The following RICTOR variants were observed in gnomAD, a reference collection of about 807,000 sequenced individuals.
RICTOR encodes the protein rapamycin-insensitive companion of mTOR.
RICTOR carries 49 observed loss-of-function variants against 214.9 expected under a neutral mutation model. The ratio of observed to expected loss-of-function variants is 0.23; its 90% confidence interval spans 0.18 to 0.29. The LOEUF is 0.29. Ranked by LOEUF, RICTOR falls within the 10% of genes least tolerant of loss-of-function variation. The pLI is 1.00. For synonymous variants in RICTOR, 717 were observed against 711.3 expected, an observed-to-expected ratio of 1.01 and a Z score of -0.13; for missense variants, 1,625 against 2,047.0, an observed-to-expected ratio of 0.79 and a Z score of 3.98.
At chr5:39,015,712 C>G (rs945812133) in intron 3 of RICTOR, among the ~76,000 whole-genome samples, 3 of 151,990 alleles carry the variant, frequency 2.0e-5, no homozygotes, top group African/African-American at 7.2e-5. Flanking sequence ...AACTATTAAG[C>G]AGACTCACCA....
chr5:38,946,454 G>A lies in RICTOR; in HGVS notation c.4399+14C>T, dbSNP rs1319453919. 2 of 1,533,338 alleles carry A rather than the reference G, an allele frequency of 1.3e-6. No individual in the cohort carries two copies. The highest frequency in any genetic ancestry group is 2.2e-5 in the East Asian group (1 of 44,448). 95.0% of individuals were successfully genotyped at this position (1,533,338 alleles called of 1,614,324 possible). On this transcript the variant is annotated intron_variant, in intron 33 of 37. Coordinates refer to ENST00000357387, the MANE Select transcript of RICTOR (RefSeq NM_152756.5). ...TAAAGAGGCATCTCACAAGTACAAT[G>A]CACAATGCATTACCTCCTGCATCAT...
In RICTOR at chr5:38,958,832, C is replaced by A; in HGVS notation, c.2179-1G>T. On this transcript the variant is annotated splice_acceptor_variant, in intron 22 of 37. Transcript: ENST00000357387. LOFTEE classifies it high-confidence loss of function. ...GTTTTGTTGCATAGAGTCTGCAGGC[C>A]TATAAGGATAAATGAATACATTAAA... The A allele has an allele frequency of 6.5e-7, 1 of 1,545,854 alleles. No homozygotes were observed. The highest frequency in any genetic ancestry group is 8.7e-7 in the Non-Finnish European group (1 of 1,149,246).
intron 7 of RICTOR, among the ~76,000 whole-genome samples, chr5:38,987,710 T>A (rs1228099171): frequency 1.3e-5 from 2 of 152,082 alleles, no homozygotes; most frequent in East Asian, 3.9e-4. Flanking sequence ...TCTCCTTCAG[T>A]TCTTGTTTGA....
In RICTOR at chr5:38,980,115, ATTAT is replaced by A. The variant is rs1243435073; in HGVS notation, c.754-1469_754-1466del. Among the ~76,000 whole-genome samples the A allele has an allele frequency of 2.6e-5, 4 of 152,268 alleles. No individual in the cohort carries two copies. In the East Asian group the frequency reaches 7.7e-4, roughly 29 times the overall value. The stretch of plus-strand genomic sequence containing the variant: ...CCATTTGATTTTTTTCACATATCCA[ATTAT>A]ATGATAAAATTCTCCATTATTTCAT... On this transcript the variant is annotated intron_variant, in intron 8 of 37. Coordinates refer to ENST00000357387, the MANE Select transcript of RICTOR (RefSeq NM_152756.5).
intron 7 of RICTOR, among the ~76,000 whole-genome samples, chr5:38,989,657 GA>G (rs1032173393): frequency 6.6e-6 from 1 of 151,690 alleles, no homozygotes; most frequent in African/African-American, 2.4e-5. Flanking sequence ...AAATTTACAA[GA>G]AAAAAACAAC....
intron 3 of RICTOR, among the ~76,000 whole-genome samples, chr5:39,018,149 C>T (rs1755105823): frequency 6.6e-6 from 1 of 152,030 alleles, no homozygotes; most frequent in South Asian, 2.1e-4. Context: ...GGCTGTCCAG[C>T]ATTACAAGGC....
At chr5:39,059,347 G>A in intron 2 of RICTOR, among the ~76,000 whole-genome samples, 1 of 152,094 alleles carries the variant, frequency 6.6e-6, no homozygotes. Context: ...GGTCAGGATA[G>A]TGCCTTCCTT....
intron 37 of RICTOR, 22 bp from the exon 38 acceptor site, chr5:38,942,400 ATCAATTAC>A (rs779416428): frequency 6.7e-7 from 1 of 1,499,800 alleles, no homozygotes; most frequent in East Asian, 2.3e-5. Flanking sequence ...ATGGTGTATC[ATCAATTAC>A]TTTTATAAAA....
intron 2 of RICTOR, among the ~76,000 whole-genome samples, chr5:39,062,587 T>C (rs10069914): frequency 0.47 from 71,899 of 151,906 alleles, 17,150 homozygotes; most frequent in East Asian, 0.61. Context: ...GATGTGATTT[T>C]TTGAAGTATG....
intron 10 of RICTOR, among the ~76,000 whole-genome samples, chr5:38,972,311 T>G (rs2150043130): frequency 6.6e-6 from 1 of 152,324 alleles, no homozygotes; most frequent in African/African-American, 2.4e-5. Flanking sequence ...CTCCTCACTT[T>G]AAAGTGAAAA....
chr5:38,989,964 C>G (rs1752461832), intron 7 of RICTOR, among the ~76,000 whole-genome samples: 1 of 152,018 alleles, frequency 6.6e-6, no homozygotes. Context: ...GTATCTAGAA[C>G]CAGAAATACC....
chr5:39,062,620 T>A (rs1758625956), intron 2 of RICTOR, among the ~76,000 whole-genome samples: 1 of 152,188 alleles, frequency 6.6e-6, no homozygotes, highest in Non-Finnish European at 1.5e-5. Flanking sequence ...AAAATATGTA[T>A]GTGCACACAT....
chr5:39,026,251 G>C (rs1373704507), intron 2 of RICTOR, among the ~76,000 whole-genome samples: 1 of 152,206 alleles, frequency 6.6e-6, no homozygotes, highest in Non-Finnish European at 1.5e-5. Flanking sequence ...GCTGAGGTGG[G>C]AGGACTGCTT....
intron 2 of RICTOR, among the ~76,000 whole-genome samples, chr5:39,024,419 A>G (rs1755655616): frequency 6.6e-6 from 1 of 152,230 alleles, no homozygotes; most frequent in Non-Finnish European, 1.5e-5. Context: ...ATTTAGTAAT[A>G]TCTTTTCACT....
chr5:38,958,610 G>A (rs1423941385), intron 23 of RICTOR, 57 bp downstream of exon 23: 1 of 1,507,520 alleles, frequency 6.6e-7, no homozygotes, highest in Non-Finnish European at 9.0e-7. Flanking sequence ...TTACATAATT[G>A]TCAAATGAGT....
At chr5:39,021,003 GA>G (rs1294010519) in intron 3 of RICTOR, 35 bp downstream of exon 3, 1 of 1,023,694 alleles carries the variant, frequency 9.8e-7, no homozygotes, top group Non-Finnish European at 1.6e-6. Flanking sequence ...AAGGAACAAA[GA>G]ATTTTAGACA....
At chr5:38,969,262 G>A (rs1203740035) in intron 11 of RICTOR, among the ~76,000 whole-genome samples, 6 of 151,790 alleles carry the variant, frequency 4.0e-5, no homozygotes, top group African/African-American at 9.7e-5. Context: ...GTGAGCCACC[G>A]CACCTGGCCT....
intron 31 of RICTOR, among the ~76,000 whole-genome samples, 182 bp from the exon 32 acceptor site, chr5:38,947,623 T>C (rs1748351513): frequency 6.6e-6 from 1 of 152,172 alleles, no homozygotes; most frequent in Non-Finnish European, 1.5e-5. Context: ...TAGACCGCTA[T>C]GTAAAAGGTC....
At chr5:38,953,333 AC>A (rs1748956253) in intron 28 of RICTOR, 127 bp downstream of exon 28, 1 of 542,162 alleles carries the variant, frequency 1.8e-6, no homozygotes, top group Admixed American at 3.4e-5. Flanking sequence ...ATTGGCAGGA[AC>A]AATCCAGTCT....
Sources: allele counts gnomAD v4.1 joint callset (sites outside exome capture counted in the v4.1 genomes callset), GRCh38; gene constraint gnomAD v4.1.1; transcripts MANE v1.5; gene names NCBI Gene and HGNC (gene_info 2026-07-23, HGNC 2026-07-21).